The following ITGB2 variants were observed in gnomAD, a reference collection of about 807,000 sequenced individuals.
ITGB2 encodes integrin beta-2.
ITGB2 carries 56 observed loss-of-function variants against 86.8 expected under a neutral mutation model. The ratio of observed to expected loss-of-function variants is 0.65; its 90% CI spans 0.52 to 0.81. The LOEUF is 0.81. ITGB2 is among the 30% of genes least tolerant of loss of function. The pLI, the probability that ITGB2 is intolerant of heterozygous loss-of-function variation, is 0.00. For synonymous variants in ITGB2, 457 were observed against 450.4 expected, an observed-to-expected ratio of 1.01 and a Z score of -0.19; for missense variants, 948 against 1,061.2, an observed-to-expected ratio of 0.89 and a Z score of 1.48.
intron 7 of ITGB2, 135 bp from the exon 8 acceptor site, chr21:44,899,297 G>GGCAGAA (rs2083913201): frequency 2.8e-6 from 2 of 717,380 alleles, no homozygotes; most frequent in African/African-American, 3.5e-5. Flanking sequence ...GAGAGGCAGA[G>GGCAGAA]GCTGCCACGC....
intron 1 of ITGB2, among the ~76,000 whole-genome samples, chr21:44,919,663 C>T (rs2084269210): frequency 6.6e-6 from 1 of 152,208 alleles, no homozygotes; most frequent in Non-Finnish European, 1.5e-5. Context: ...CCCTATGCCC[C>T]CACAGCTCGC....
chr21:44,910,492 A>G, intron 2 of ITGB2, 120 bp from the exon 3 acceptor site: 1 of 1,563,770 alleles, frequency 6.4e-7, no homozygotes, highest in Non-Finnish European at 8.7e-7. Context: ...CTCCAGGAGG[A>G]GACCCCGCAT....
Position 44,910,694 on chromosome 21 carries a change from T to A in ITGB2, c.58+31A>T, listed in dbSNP as rs73376519. ...TTCTCCCTGATTGGAATGTCACGCG[T>A]GGAGTCCCCTCCGTGGAACACAGAA... On this transcript the variant is annotated intron_variant, in intron 2 of 15. Coordinates refer to ENST00000652462, the MANE Select transcript of ITGB2 (RefSeq NM_000211.5). 6.7e-4 allele frequency: 1,077 copies of A among 1,609,918 alleles called. 7 individuals are homozygous for A. The African/African-American group carries it at 0.012, about 19-fold the overall frequency.
chr21:44,887,632 C>A (rs1303941083), intron 14 of ITGB2, among the ~76,000 whole-genome samples: 1 of 152,136 alleles, frequency 6.6e-6, no homozygotes, highest in African/African-American at 2.4e-5. Context: ...CACTCTCACT[C>A]CCCGTGCCCC....
At chr21:44,918,995 G>A (rs2084253055) in intron 1 of ITGB2, among the ~76,000 whole-genome samples, 1 of 151,958 alleles carries the variant, frequency 6.6e-6, no homozygotes, top group African/African-American at 2.4e-5. Context: ...TCGGAGCTGA[G>A]CATTCCCCTC....
intron 1 of ITGB2, among the ~76,000 whole-genome samples, chr21:44,927,290 G>A (rs1253543610): frequency 6.6e-6 from 1 of 152,174 alleles, no homozygotes; most frequent in East Asian, 1.9e-4. Flanking sequence ...AGGTGCTTGG[G>A]GAGCTGCAAT....
chr21:44,923,742 G>A (rs376855938), upstream of ITGB2, among the ~76,000 whole-genome samples: 10 of 152,086 alleles, frequency 6.6e-5, no homozygotes, highest in Admixed American at 3.9e-4. Flanking sequence ...TTAATGCCAC[G>A]GAAATGCATA....
At chr21:44,904,950 C>T (rs1157418448) in intron 4 of ITGB2, among the ~76,000 whole-genome samples, 1 of 152,238 alleles carries the variant, frequency 6.6e-6, no homozygotes, top group Non-Finnish European at 1.5e-5. Flanking sequence ...AGAGGCTTCA[C>T]TTGGCCTCTG....
chr21:44,920,096 C>T (rs527316670), intron 1 of ITGB2, among the ~76,000 whole-genome samples: 21 of 152,188 alleles, frequency 1.4e-4, no homozygotes, highest in Admixed American at 2.6e-4. Flanking sequence ...GGGGTCCCCA[C>T]GGAGGAGGCA....
Position 44,886,139 on chromosome 21 carries a change from C to CCCT in ITGB2, c.*226_*228dup. On this transcript the variant is annotated 3_prime_UTR_variant, in exon 16 of 16. Transcript: ENST00000652462. Reference sequence around the variant, plus strand: ...CGCACCTAACCTCACCAACCTCAAGCCCTCCCTCCTCAAGTCTCCATGCAA... The same window carrying CCCT: ...CGCACCTAACCTCACCAACCTCAAGCCCTCCTCCCTCCTCAAGTCTCCATGCAA... The CCCT allele has an allele frequency of 1.7e-6, 1 of 592,038 alleles. No individual in the cohort carries two copies. The highest frequency in any genetic ancestry group is 3.0e-6 in the Non-Finnish European group (1 of 329,396). 36.7% of individuals were successfully genotyped at this position (592,038 alleles called of 1,614,324 possible). A position where few individuals can be genotyped will look rare whatever the true frequency, so the allele number is the denominator to read the frequency against.
At chr21:44,895,702 G>A (rs990407861) in intron 8 of ITGB2, among the ~76,000 whole-genome samples, 10 of 151,358 alleles carry the variant, frequency 6.6e-5, no homozygotes, top group African/African-American at 1.9e-4. Context: ...TTAGCTGGGC[G>A]TGGTGGTGGG....
chr21:44,890,473 G>A (rs564202638), intron 11 of ITGB2, among the ~76,000 whole-genome samples: 11 of 152,170 alleles, frequency 7.2e-5, no homozygotes, highest in South Asian at 4.1e-4. Context: ...GCAGTGGCTC[G>A]GCAGGCTCAC....
At chr21:44,888,975 C>T in intron 13 of ITGB2, 80 bp from the exon 14 acceptor site, 2 of 1,346,096 alleles carry the variant, frequency 1.5e-6, no homozygotes, top group Non-Finnish European at 2.1e-6. Context: ...GGGTGTGTGT[C>T]CACCAGGGGG....
At chr21:44,896,376 G>A (rs2083871470) in intron 8 of ITGB2, among the ~76,000 whole-genome samples, 1 of 152,196 alleles carries the variant, frequency 6.6e-6, no homozygotes, top group African/African-American at 2.4e-5. Flanking sequence ...CGGTGACATC[G>A]GTTCTGGCCG....
intron 9 of ITGB2, 55 bp from the exon 10 acceptor site, chr21:44,893,599 T>G: frequency 6.2e-7 from 1 of 1,607,292 alleles, no homozygotes; most frequent in Non-Finnish European, 8.5e-7. Flanking sequence ...GTCCTGGCCC[T>G]GCCTGGCCCA....
chr21:44,906,999 TG>T lies in ITGB2; in HGVS notation c.243del (p.Thr82GlnfsTer22). ...RGCAADDIMD[P>X]TSLAETQEDH... Reference sequence around the variant, plus strand: ...TCTTCCTGGGTTTCAGCGAGGCTTGTGGGGTCCATGATGTCGTCAGCCGCAC... The same window carrying T: ...TCTTCCTGGGTTTCAGCGAGGCTTGTGGGTCCATGATGTCGTCAGCCGCAC... On this transcript the variant is annotated frameshift_variant, in exon 4 of 16. Coordinates refer to ENST00000652462, the MANE Select transcript of ITGB2 (RefSeq NM_000211.5). LOFTEE classifies it high-confidence loss of function. 6.2e-7 allele frequency: 1 copy of T among 1,614,126 alleles called. No homozygotes were observed. The highest frequency in any genetic ancestry group is 8.5e-7 in the Non-Finnish European group (1 of 1,180,022).
At chr21:44,922,816 T>C (rs1568914020), upstream of ITGB2, 2 of 152,192 alleles carry the variant, frequency 1.3e-5, no homozygotes, top group South Asian at 4.1e-4. Context: ...CATTTTCTTG[T>C]TTTAAATCAA....
At chr21:44,891,682 C>T (rs576255585) in intron 11 of ITGB2, 127 bp downstream of exon 11, 8 of 1,062,506 alleles carry the variant, frequency 7.5e-6, no homozygotes, top group Admixed American at 6.6e-5. Flanking sequence ...CAGAAGGGGG[C>T]CCCCAGGATG....
At chr21:44,897,481 G>A (rs2083886764) in intron 8 of ITGB2, among the ~76,000 whole-genome samples, 1 of 152,218 alleles carries the variant, frequency 6.6e-6, no homozygotes, top group Non-Finnish European at 1.5e-5. Context: ...GTCGGTCACT[G>A]TCCGGATGAG....
Sources: allele counts gnomAD v4.1 joint callset (sites outside exome capture counted in the v4.1 genomes callset), GRCh38; gene constraint gnomAD v4.1.1; transcripts MANE v1.5; gene names NCBI Gene and HGNC (gene_info 2026-07-23, HGNC 2026-07-21).